Variants in QSER1 observed in about 807,000 individuals in gnomAD.
The protein encoded by QSER1 is glutamine and serine-rich protein 1.
Under a neutral mutation model 158.5 loss-of-function variants are expected in QSER1, and 49 were observed. The observed-to-expected ratio is 0.31, with a 90% CI of 0.25 to 0.39. The LOEUF (loss-of-function observed/expected upper bound fraction) is 0.39. Among genes scored for constraint, QSER1 ranks in the 10% least tolerant of loss-of-function variants. QSER1 has a pLI of 1.00. For synonymous variants in QSER1, 650 were observed against 715.5 expected (o/e 0.91, Z 1.46); for missense variants, 1,754 against 2,010.3 (o/e 0.87, Z 2.44).
chr11:32,929,999 T>C (rs1852025037), intron 3 of QSER1, among the ~76,000 whole-genome samples: 1 of 152,234 alleles, frequency 6.6e-6, no homozygotes, highest in Non-Finnish European at 1.5e-5. Flanking sequence ...ACTATGTAAT[T>C]ACAATTGGTT....
chr11:32,906,614 A>G (rs961450158), intron 1 of QSER1, among the ~76,000 whole-genome samples: 7 of 151,814 alleles, frequency 4.6e-5, no homozygotes, highest in Non-Finnish European at 7.4e-5. Flanking sequence ...GGGTCTTGCT[A>G]TTTTCTCAGG....
intron 10 of QSER1, among the ~76,000 whole-genome samples, chr11:32,972,231 C>T (rs918807500): frequency 1.3e-5 from 2 of 151,914 alleles, no homozygotes; most frequent in African/African-American, 4.8e-5. Context: ...AATAGGAGGA[C>T]TTCAACATTT....
At chr11:32,897,899 T>C (rs1020704695) in intron 1 of QSER1, among the ~76,000 whole-genome samples, 1 of 152,240 alleles carries the variant, frequency 6.6e-6, no homozygotes, top group African/African-American at 2.4e-5. Context: ...GTGGGAGTTG[T>C]GTGTGCTCAG....
In QSER1 at chr11:32,900,677, G is replaced by A. The variant is rs77739691; in HGVS notation, c.209+7343G>A. On this transcript the variant is annotated intron_variant, in intron 1 of 12. Coordinates refer to ENST00000650167, the MANE Select transcript of QSER1 (RefSeq NM_001076786.3). ...CCACCACCATCCTTCAGCCATACTG[G>A]CTTTACTTCTGTTCCTGAAACATGC... Among the ~76,000 whole-genome samples the A allele has an allele frequency of 8.6e-3, 1,302 of 152,248 alleles. 23 individuals are homozygous for A. The highest frequency in any genetic ancestry group is 0.079 in the South Asian group (381 of 4,816).
chr11:32,896,237 G>C (rs943467922), intron 1 of QSER1, among the ~76,000 whole-genome samples: 1 of 152,070 alleles, frequency 6.6e-6, no homozygotes, highest in African/African-American at 2.4e-5. Flanking sequence ...CTTATATCTT[G>C]GTCACAACAG....
At chr11:32,973,321 C>G in intron 10 of QSER1, 76 bp from the exon 11 acceptor site, 1 of 1,509,830 alleles carries the variant, frequency 6.6e-7, no homozygotes, top group Admixed American at 1.8e-5. Context: ...ACACACACTT[C>G]TAAATTTTAG....
chr11:32,935,025 A>G lies in QSER1; in HGVS notation c.3767A>G (p.His1256Arg). ...GAAAGCTGCCATGATGGTTATCAGCATCAAGAAAAAATGAGACAGAAGATC... is the reference window on the plus strand; with the variant it reads ...GAAAGCTGCCATGATGGTTATCAGCGTCAAGAAAAAATGAGACAGAAGATC... The part of the protein sequence containing the change: ...SSESCHDGYQ[H>R]QEKMRQKIKE... The change falls in exon 4 of 13, where the codon CAT becomes CGT. Residue 1256 changes from histidine to arginine, a missense_variant. By Grantham distance (29) the His-to-Arg change is conservative. Transcript: ENST00000650167. 1.2e-6 allele frequency: 2 copies of G among 1,614,118 alleles called. No individual in the cohort carries two copies. The highest frequency in any genetic ancestry group is 1.3e-5 in the African/African-American group (1 of 75,060).
At chr11:32,894,512 T>C (rs1238090874) in intron 1 of QSER1, among the ~76,000 whole-genome samples, 1 of 152,198 alleles carries the variant, frequency 6.6e-6, no homozygotes, top group Non-Finnish European at 1.5e-5. Flanking sequence ...AAGTGAACTT[T>C]TGTTTTAAGT....
chr11:32,976,347 A>G lies in QSER1; in HGVS notation c.5468A>G (p.Gln1823Arg), dbSNP rs768274996. ...LICKDEISSV[Q>R]KKNEDLGQEE... ...TTCTTTTTTTAGATTTCTTCGGTGC[A>G]GAAAAAAAATGAAGATTTAGGACAG... The change falls in exon 13 of 13, where the codon CAG (glutamine) becomes CGG (arginine). Residue 1823 changes from glutamine to arginine, a missense_variant. Transcript: ENST00000650167. 2 of 1,587,190 alleles carry G rather than the reference A, an allele frequency of 1.3e-6. No homozygotes were observed. The highest frequency in any genetic ancestry group is 2.3e-5 in the East Asian group (1 of 44,138).
rs1198252596 is a variant in QSER1 at position 32,972,875 on chromosome 11, G to A, written c.5206-522G>A. Among the ~76,000 whole-genome samples the A allele has an allele frequency of 2.6e-5, 4 of 152,206 alleles. No homozygotes were observed. In the East Asian group the frequency reaches 7.7e-4, roughly 29 times the overall value. On this transcript the variant is annotated intron_variant, in intron 10 of 12. Coordinates refer to ENST00000650167, the MANE Select transcript of QSER1 (RefSeq NM_001076786.3). ...AATAAGCAAGAGAAGAGTGAAGCCA[G>A]AGAAGCACTACAGTGCCGCTTCTCC...
chr11:32,961,575 T>C (rs899560586), intron 8 of QSER1, among the ~76,000 whole-genome samples: 2 of 152,186 alleles, frequency 1.3e-5, no homozygotes, highest in African/African-American at 4.8e-5. Flanking sequence ...TTTCCAAAAC[T>C]TTTATCATCC....
At chr11:32,931,171 T>C (rs768595514) in intron 3 of QSER1, among the ~76,000 whole-genome samples, 7 of 152,142 alleles carry the variant, frequency 4.6e-5, no homozygotes, top group Non-Finnish European at 8.8e-5. Flanking sequence ...ACTAGAGATA[T>C]GTACATTTTT....
chr11:32,936,838 G>T (rs540400365), intron 4 of QSER1, among the ~76,000 whole-genome samples: 7 of 152,142 alleles, frequency 4.6e-5, no homozygotes, highest in African/African-American at 1.4e-4. Flanking sequence ...AAAGTGTTAC[G>T]AGACAGCTGG....
intron 1 of QSER1, among the ~76,000 whole-genome samples, chr11:32,923,201 A>G (rs1262789352): frequency 2.0e-5 from 3 of 152,236 alleles, no homozygotes; most frequent in Admixed American, 6.5e-5. Flanking sequence ...CACAAAGACT[A>G]CATATTAAAT....
intron 10 of QSER1, among the ~76,000 whole-genome samples, chr11:32,971,167 C>A (rs1292809210): frequency 1.3e-5 from 2 of 151,534 alleles, no homozygotes; most frequent in East Asian, 3.9e-4. Flanking sequence ...ATCTGCCTGC[C>A]TCTGCCTCCC....
intron 1 of QSER1, among the ~76,000 whole-genome samples, chr11:32,920,963 G>C (rs1851892391): frequency 6.6e-6 from 1 of 152,134 alleles, no homozygotes; most frequent in South Asian, 2.1e-4. Flanking sequence ...GTTAAACATG[G>C]AGTTTTCATT....
At position 32,957,934 on chromosome 11, in the gene QSER1, C is replaced by T; in HGVS notation, c.4817C>T (p.Thr1606Ile). Reference sequence around the variant, plus strand: ...GATCCTCTAGCATCAAAAACTACAACTACAAAAGCCCCTTCCGTGAAACCC... The same window carrying T: ...GATCCTCTAGCATCAAAAACTACAATTACAAAAGCCCCTTCCGTGAAACCC... ...TSDPLASKTT[T>I]TKAPSVKPKV... Residue 1606 changes from threonine to isoleucine, a missense_variant, in exon 8 of 13, where the codon ACT becomes ATT. Thr to Ile is a moderately conservative substitution (Grantham distance 89). Transcript: ENST00000650167. The T allele has an allele frequency of 6.2e-7, 1 of 1,614,108 alleles. No homozygotes were observed. Among genetic ancestry groups the T allele is most frequent in the Non-Finnish European group, 8.5e-7 (1 of 1,180,012 alleles).
chr11:32,975,538 G>GC (rs1196482778), intron 12 of QSER1, 195 bp downstream of exon 12: 2 of 1,439,124 alleles, frequency 1.4e-6, no homozygotes, highest in Non-Finnish European at 1.8e-6. Flanking sequence ...ATTTACCCGA[G>GC]CCTCACCACC....
intron 9 of QSER1, among the ~76,000 whole-genome samples, chr11:32,966,975 T>G (rs953938409): frequency 1.3e-4 from 20 of 152,190 alleles, no homozygotes; most frequent in African/African-American, 4.6e-4. Flanking sequence ...TGCACTAATT[T>G]ACATTCTCAC....
Sources: allele counts gnomAD v4.1 joint callset (sites outside exome capture counted in the v4.1 genomes callset), GRCh38; gene constraint gnomAD v4.1.1; transcripts MANE v1.5; gene names NCBI Gene and HGNC (gene_info 2026-07-23, HGNC 2026-07-21).